Variants in HOXC4 observed in about 807,000 individuals in gnomAD.
HOXC4 encodes the protein homeobox protein Hox-C4.
A neutral mutation model predicts 25.5 loss-of-function variants in HOXC4; 15 were observed. That is an observed-to-expected ratio of 0.59 (90% CI 0.39 to 0.91). The LOEUF (loss-of-function observed/expected upper bound fraction) is 0.91. Ranked by LOEUF, HOXC4 falls within the 40% of genes least tolerant of loss-of-function variation. HOXC4 has a pLI of 0.00. For synonymous variants in HOXC4, 165 were observed against 148.0 expected, an observed-to-expected ratio of 1.11 and a Z score of -0.83; for missense variants, 342 against 352.4, an observed-to-expected ratio of 0.97 and a Z score of 0.24.
At chr12:54,044,393 T>C (rs1270075592) in intron 1 of HOXC4, among the ~76,000 whole-genome samples, 1 of 152,198 alleles carries the variant, frequency 6.6e-6, no homozygotes, top group Non-Finnish European at 1.5e-5. Flanking sequence ...TCATTTCCTT[T>C]TGCCCATGCA....
chr12:54,028,739 G>A, intron 1 of HOXC4: 1 of 1,614,072 alleles, frequency 6.2e-7, no homozygotes, highest in Non-Finnish European at 8.5e-7. Context: ...TATGACTATG[G>A]ATCTAATTCC....
upstream of HOXC4, among the ~76,000 whole-genome samples, chr12:54,049,313 G>A (rs1261958439): frequency 2.0e-5 from 3 of 152,106 alleles, no homozygotes; most frequent in Non-Finnish European, 2.9e-5. Context: ...TGAACTATTG[G>A]AACAAGTCAA....
upstream of HOXC4, among the ~76,000 whole-genome samples, chr12:54,049,765 C>T (rs911179041): frequency 1.1e-4 from 17 of 149,800 alleles, no homozygotes; most frequent in African/African-American, 4.2e-4. Flanking sequence ...CACACACACA[C>T]ACACACACAC....
intron 1 of HOXC4, among the ~76,000 whole-genome samples, chr12:54,036,482 G>C (rs1941186853): frequency 6.6e-6 from 1 of 152,186 alleles, no homozygotes; most frequent in Non-Finnish European, 1.5e-5. Context: ...CACTGCCTAA[G>C]CTACCCATCA....
At chr12:54,052,569 TGG>T (rs760468397), upstream of HOXC4, among the ~76,000 whole-genome samples, 103 of 126,174 alleles carry the variant, frequency 8.2e-4, no homozygotes, top group East Asian at 1.3e-3. Flanking sequence ...CACCCCTAGC[TGG>T]GGGGGGGGGG....
At chr12:54,025,660 GT>G (rs1272143689) in intron 1 of HOXC4, among the ~76,000 whole-genome samples, 2 of 151,986 alleles carry the variant, frequency 1.3e-5, no homozygotes, top group Non-Finnish European at 2.9e-5. Flanking sequence ...GCTGGTTTCT[GT>G]TCATTATAAA....
chr12:54,051,547 G>A (rs1190647588), upstream of HOXC4, among the ~76,000 whole-genome samples: 1 of 152,202 alleles, frequency 6.6e-6, no homozygotes, highest in Non-Finnish European at 1.5e-5. Flanking sequence ...GAGAGTTCCG[G>A]ACAAGAGTGG....
intron 1 of HOXC4, among the ~76,000 whole-genome samples, chr12:54,026,746 G>A (rs891573488): frequency 3.9e-5 from 6 of 152,146 alleles, no homozygotes; most frequent in Non-Finnish European, 7.3e-5. Flanking sequence ...TTTTGGGTTC[G>A]AAACTTTATT....
chr12:54,028,352 T>TTC, intron 1 of HOXC4: 3 of 633,180 alleles, frequency 4.7e-6, no homozygotes, highest in Non-Finnish European at 8.0e-6. Context: ...GCGATTTTTT[T>TTC]CCCCCTTCCT....
chr12:54,029,410 C>G (rs1565741985), intron 1 of HOXC4, among the ~76,000 whole-genome samples: 6 of 87,918 alleles, frequency 6.8e-5, no homozygotes, highest in South Asian at 4.7e-4. Context: ...CCCGCCCCCC[C>G]GCCCCCCCCC....
intron 1 of HOXC4, among the ~76,000 whole-genome samples, chr12:54,023,483 T>C (rs945061285): frequency 6.6e-6 from 1 of 152,096 alleles, no homozygotes; most frequent in African/African-American, 2.4e-5. Context: ...TCCGTTTAAT[T>C]GTAATAAAGC....
chr12:54,019,019 G>C (rs1451277876), intron 1 of HOXC4, among the ~76,000 whole-genome samples: 3 of 152,154 alleles, frequency 2.0e-5, no homozygotes. Context: ...AGATCAAACC[G>C]TTTGGGCCAG....
rs768145726 is a variant in HOXC4, at chr12:54,055,193, T to C, written c.783T>C (p.Ile261=). The C allele has an allele frequency of 4.8e-5, 76 of 1,593,932 alleles. 1 individual carries two copies. In the South Asian group the frequency reaches 8.2e-4, roughly 17 times the overall value. ...TPPEQQRAED[I]TRL ...CGGAGCAGCAACGGGCAGAGGACAT[T>C]ACCAGGTTATAAAACATAACTCACA... is the stretch of plus-strand genomic sequence containing the variant. The change falls in exon 2 of 2, where the codon ATT becomes ATC. Residue 261 remains isoleucine, a synonymous_variant. Coordinates refer to ENST00000430889, the MANE Select transcript of HOXC4 (RefSeq NM_153633.3).
intron 1 of HOXC4, among the ~76,000 whole-genome samples, chr12:54,031,864 A>AC (rs1222342071): frequency 6.6e-6 from 1 of 151,544 alleles, no homozygotes; most frequent in Admixed American, 6.6e-5. Flanking sequence ...TGCCCTGCCC[A>AC]CCCCCCAGGT....
chr12:54,042,039 C>G (rs147899599), intron 1 of HOXC4, among the ~76,000 whole-genome samples: 3 of 143,102 alleles, frequency 2.1e-5, no homozygotes, highest in Non-Finnish European at 3.0e-5. Flanking sequence ...AGTGCAATGG[C>G]AGGATCTCAG....
At position 54,055,721 on chromosome 12, in the gene HOXC4, G is replaced by A. The variant is rs1174485570; in HGVS notation, c.*516G>A. On this transcript the variant is annotated 3_prime_UTR_variant, in exon 2 of 2. Transcript: ENST00000430889. ...GGGAAGTCATTTTAAGGAGAACAAAGCTATGAAGTTCTTTTGTATTATTGT... is the reference window on the plus strand; with the variant it reads ...GGGAAGTCATTTTAAGGAGAACAAAACTATGAAGTTCTTTTGTATTATTGT... The A allele has an allele frequency of 1.4e-5, 2 of 147,564 alleles. No individual in the cohort carries two copies. Among genetic ancestry groups the A allele is most frequent in the Non-Finnish European group, 3.0e-5 (2 of 67,194 alleles). The allele number at this position is 147,564 out of a possible 1,614,324, so 9.1% of individuals were successfully genotyped here. A position where few individuals can be genotyped will look rare whatever the true frequency, so the allele number is the denominator to read the frequency against.
At chr12:54,048,393 C>T (rs1355086747) in intron 1 of HOXC4, among the ~76,000 whole-genome samples, 2 of 152,092 alleles carry the variant, frequency 1.3e-5, no homozygotes, top group Non-Finnish European at 2.9e-5. Context: ...CCAATCCTCT[C>T]CTCTGCCTTT....
chr12:54,043,138 G>T (rs113334091), intron 1 of HOXC4, among the ~76,000 whole-genome samples: 1 of 152,202 alleles, frequency 6.6e-6, no homozygotes, highest in African/African-American at 2.4e-5. Context: ...CCACATTTTA[G>T]CAGCTATGAG....
chr12:54,041,124 C>A (rs4759062), intron 1 of HOXC4, among the ~76,000 whole-genome samples: 1 of 152,114 alleles, frequency 6.6e-6, no homozygotes. Flanking sequence ...AAGGTACAGC[C>A]ACTGAAGGTG....
Sources: gnomAD v4.1 joint callset for allele counts (sites outside exome capture counted in the v4.1 genomes callset) on GRCh38, gnomAD v4.1.1 for gene constraint, MANE v1.5 for transcripts, NCBI Gene and HGNC (gene_info 2026-07-23, HGNC 2026-07-21) for gene names.